Variants in GRID2 observed in about 807,000 individuals in gnomAD.
GRID2 encodes glutamate ionotropic receptor delta type subunit 2.
In GRID2, 33 loss-of-function variants were observed where a neutral mutation model predicts 114.8. The ratio of observed to expected loss-of-function variants is 0.29; its 90% CI spans 0.22 to 0.38. The LOEUF (loss-of-function observed/expected upper bound fraction) is 0.38, where lower values mean the gene tolerates loss of function less well. Ranked by LOEUF, GRID2 falls within the 10% of genes least tolerant of loss-of-function variation. GRID2 has a pLI of 1.00. For synonymous variants in GRID2, 505 were observed against 449.9 expected (o/e 1.12, Z -1.55); for missense variants, 1,184 against 1,257.7 (o/e 0.94, Z 0.89).
chr4:93,188,863 A>G (rs897613019), intron 4 of GRID2, among the ~76,000 whole-genome samples: 9 of 152,168 alleles, frequency 5.9e-5, no homozygotes, highest in Admixed American at 3.3e-4. Context: ...AATAACAAGA[A>G]TCACCTTTCC....
intron 2 of GRID2, among the ~76,000 whole-genome samples, chr4:92,855,971 T>A (rs1017251532): frequency 6.6e-6 from 1 of 152,076 alleles, no homozygotes; most frequent in Non-Finnish European, 1.5e-5. Context: ...TTTTTCCACT[T>A]GAAATATATT....
intron 2 of GRID2, among the ~76,000 whole-genome samples, chr4:92,718,721 C>A (rs951830455): frequency 4.3e-5 from 6 of 139,264 alleles, no homozygotes; most frequent in Middle Eastern, 4.4e-3. Context: ...CATGATAGCA[C>A]CACTGCCCTT....
chr4:92,443,876 T>G (rs534709457), intron 1 of GRID2, among the ~76,000 whole-genome samples: 4 of 152,278 alleles, frequency 2.6e-5, no homozygotes, highest in Admixed American at 2.0e-4. Context: ...AAGGCTGCCT[T>G]TCCAGTCTGT....
chr4:92,927,129 A>G (rs983854227), intron 2 of GRID2, among the ~76,000 whole-genome samples: 2 of 151,916 alleles, frequency 1.3e-5, no homozygotes, highest in African/African-American at 4.8e-5. Context: ...AGATAAACCA[A>G]TATAGTCCAA....
chr4:93,202,565 A>G (rs754174619), intron 4 of GRID2, among the ~76,000 whole-genome samples: 8 of 152,198 alleles, frequency 5.3e-5, no homozygotes, highest in Non-Finnish European at 8.8e-5. Context: ...GTCTTCAAAT[A>G]ACTTCTAAAA....
In GRID2 at chr4:92,577,917, G is replaced by A. The variant is rs190663502; in HGVS notation, c.89-12214G>A. Among the ~76,000 whole-genome samples the A allele has an allele frequency of 2.0e-5, 3 of 152,198 alleles. No individual in the cohort carries two copies. The East Asian group carries it at 5.8e-4, about 29-fold the overall frequency. ...TGGGCGGTAAGCAAAGATGCCAGTGGTGAATCACGATGGGATTAGCTGGCC... is the reference window on the plus strand; with the variant it reads ...TGGGCGGTAAGCAAAGATGCCAGTGATGAATCACGATGGGATTAGCTGGCC... On this transcript the variant is annotated intron_variant, in intron 1 of 15. Transcript: ENST00000282020.
intron 1 of GRID2, among the ~76,000 whole-genome samples, chr4:92,495,351 C>A (rs540223229): frequency 2.6e-5 from 4 of 152,042 alleles, no homozygotes; most frequent in African/African-American, 9.6e-5. Context: ...TCAACATACA[C>A]AATAGCAACA....
At chr4:93,658,813 G>A (rs916346443) in intron 14 of GRID2, among the ~76,000 whole-genome samples, 4 of 152,148 alleles carry the variant, frequency 2.6e-5, no homozygotes, top group South Asian at 2.1e-4. Context: ...AATCTCCAGC[G>A]AATAGTTTTT....
intron 12 of GRID2, among the ~76,000 whole-genome samples, chr4:93,508,849 A>C (rs1728898612): frequency 6.6e-6 from 1 of 152,238 alleles, no homozygotes; most frequent in Non-Finnish European, 1.5e-5. Flanking sequence ...CTGAAGAGAC[A>C]GTGAAGTTTC....
In GRID2 at chr4:93,316,693, C is replaced by T. The variant is rs115500967; in HGVS notation, c.1245+78203C>T. On this transcript the variant is annotated intron_variant, in intron 8 of 15. Coordinates refer to ENST00000282020, the MANE Select transcript of GRID2 (RefSeq NM_001510.4). ...TTATCCATCAAGGTGATTTTGGTCA[C>T]ATGTGATTCATTAGTTTAGAGAACC... is the stretch of plus-strand genomic sequence containing the variant. 2.8e-3 allele frequency among the ~76,000 whole-genome samples: 426 copies of T among 152,210 alleles called. 2 individuals carry two copies. Among genetic ancestry groups the T allele is most frequent in the African/African-American group, 9.9e-3 (410 of 41,544 alleles).
intron 1 of GRID2, among the ~76,000 whole-genome samples, chr4:92,349,189 T>A (rs1381257477): frequency 2.0e-5 from 3 of 151,992 alleles, no homozygotes; most frequent in African/African-American, 7.2e-5. Flanking sequence ...TGTTAAACAA[T>A]TTGAAAATGT....
chr4:92,366,662 A>G (rs1025100030), intron 1 of GRID2, among the ~76,000 whole-genome samples: 1 of 152,054 alleles, frequency 6.6e-6, no homozygotes, highest in African/African-American at 2.4e-5. Flanking sequence ...ATCACCACAT[A>G]GAAAAATCAA....
chr4:93,408,181 A>G lies in GRID2; in HGVS notation c.1347+12473A>G, dbSNP rs866689285. ...TTTAAAAGTGAAGGAGAATTTTTTAACAGAACACTCATCAAAAACAAAGCG... is the reference window on the plus strand; with the variant it reads ...TTTAAAAGTGAAGGAGAATTTTTTAGCAGAACACTCATCAAAAACAAAGCG... On this transcript the variant is annotated intron_variant, in intron 9 of 15. Coordinates refer to ENST00000282020, the MANE Select transcript of GRID2 (RefSeq NM_001510.4). Among the ~76,000 whole-genome samples, 51 of 152,222 alleles carry G rather than the reference A, an allele frequency of 3.4e-4. 1 individual carries two copies. The highest frequency in any genetic ancestry group is 1.2e-3 in the African/African-American group (48 of 41,550).
intron 1 of GRID2, among the ~76,000 whole-genome samples, chr4:92,307,283 G>T (rs1725456392): frequency 6.6e-6 from 1 of 152,038 alleles, no homozygotes; most frequent in South Asian, 2.1e-4. Context: ...CAGGACTGAA[G>T]GAATGAATGT....
intron 2 of GRID2, among the ~76,000 whole-genome samples, chr4:92,759,164 C>T (rs561414629): frequency 6.6e-6 from 1 of 152,290 alleles, no homozygotes; most frequent in Admixed American, 6.5e-5. Flanking sequence ...AAGGTCACAT[C>T]TCAAAATGTC....
intron 2 of GRID2, among the ~76,000 whole-genome samples, chr4:92,817,172 T>G (rs989720409): frequency 1.3e-4 from 20 of 152,146 alleles, no homozygotes; most frequent in African/African-American, 4.8e-4. Flanking sequence ...GTATGTTTCC[T>G]TCCTCATATT....
intron 2 of GRID2, among the ~76,000 whole-genome samples, chr4:93,052,220 A>G (rs1205070136): frequency 6.6e-6 from 1 of 152,012 alleles, no homozygotes; most frequent in Non-Finnish European, 1.5e-5. Context: ...TGGAACTTAT[A>G]TCAGATTGGC....
intron 10 of GRID2, among the ~76,000 whole-genome samples, chr4:93,448,116 T>C (rs1409120694): frequency 6.6e-6 from 1 of 151,658 alleles, no homozygotes; most frequent in Non-Finnish European, 1.5e-5. Context: ...TCATGTGTTC[T>C]AAAAATGAAA....
chr4:93,017,274 C>T (rs752676890), intron 2 of GRID2, among the ~76,000 whole-genome samples: 6 of 151,904 alleles, frequency 3.9e-5, no homozygotes, highest in Non-Finnish European at 7.4e-5. Context: ...AATTTTTTTC[C>T]TATAAGAAAA....
Sources: allele counts gnomAD v4.1 joint callset (sites outside exome capture counted in the v4.1 genomes callset), GRCh38; gene constraint gnomAD v4.1.1; transcripts MANE v1.5; gene names NCBI Gene and HGNC (gene_info 2026-07-23, HGNC 2026-07-21).